The following NOM1 variants were observed in gnomAD, a reference collection of about 807,000 sequenced individuals.
NOM1 encodes nucleolar MIF4G domain-containing protein 1.
Under a neutral mutation model 73.3 loss-of-function variants are expected in NOM1, and 58 were observed. The observed-to-expected ratio is 0.79, with a 90% CI of 0.64 to 0.99. The LOEUF (loss-of-function observed/expected upper bound fraction) is 0.99. NOM1 is among the 50% of genes least tolerant of loss of function. NOM1 has a pLI of 0.00. For missense variants in NOM1, 1,226 were observed against 1,131.9 expected, an observed-to-expected ratio of 1.08 and a Z score of -1.19; for synonymous variants, 487 against 446.8, an observed-to-expected ratio of 1.09 and a Z score of -1.14.
chr7:156,957,714 G>A (rs1329867242), intron 3 of NOM1, among the ~76,000 whole-genome samples: 4 of 118,496 alleles, frequency 3.4e-5, no homozygotes, highest in African/African-American at 6.5e-5. Context: ...GGCGGAGCTT[G>A]CAGTGAGCCG....
chr7:156,964,788 C>T (rs1804954583), intron 7 of NOM1, among the ~76,000 whole-genome samples: 1 of 152,040 alleles, frequency 6.6e-6, no homozygotes, highest in African/African-American at 2.4e-5. Flanking sequence ...TTCCCTTTGC[C>T]TCTCTGTGGC....
chr7:156,950,122 C>G lies in NOM1; in HGVS notation c.385C>G (p.Arg129Gly), dbSNP rs1586561799. ...ASGHRQDTEE[R>G]ARPAPSRDPS... ...CGGTCACCGGCAGGACACGGAGGAG[C>G]GCGCCCGCCCAGCCCCTAGTCGGGA... Residue 129 changes from arginine (R) to glycine (G), a missense_variant, in exon 1 of 11, where the codon CGC becomes GGC. By Grantham distance (125) the Arg-to-Gly change is moderately radical (BLOSUM62 -2). Transcript: ENST00000275820. 2 of 1,556,442 alleles carry G rather than the reference C, an allele frequency of 1.3e-6. No homozygotes were observed. The highest frequency in any genetic ancestry group is 1.7e-6 in the Non-Finnish European group (2 of 1,153,908).
rs556125466 is a variant in NOM1 at position 156,950,026 on chromosome 7, C to T, written c.289C>T (p.Arg97Trp). Residue 97 changes from arginine to tryptophan, a missense_variant, in exon 1 of 11, where the codon CGG (arginine) becomes TGG (tryptophan). Physicochemically the swap from Arg to Trp is moderately radical, Grantham distance 101. Transcript: ENST00000275820. The part of the protein sequence containing the change: ...KEKRHLRKAR[R>W]LQRTAGPEQG... ...GAAGCGGCACCTGCGGAAAGCACGC[C>T]GGCTGCAGAGGACGGCGGGCCCCGA... 3.9e-6 allele frequency: 6 copies of T among 1,541,988 alleles called. No individual in the cohort carries two copies. The African/African-American group carries it at 8.2e-5, about 21-fold the overall frequency.
chr7:156,966,144 C>T lies in NOM1; in HGVS notation c.2034-126C>T. Reference sequence around the variant, plus strand: ...CCTAGCTGGTGTCTGCCGCTGCCTCCACCTCCTTTACGTGGCTCGCCTCTA... The same window carrying T: ...CCTAGCTGGTGTCTGCCGCTGCCTCTACCTCCTTTACGTGGCTCGCCTCTA... On this transcript the variant is annotated intron_variant, in intron 7 of 10. Coordinates refer to ENST00000275820, the MANE Select transcript of NOM1 (RefSeq NM_138400.2). 14 of 1,185,898 alleles carry T rather than the reference C, an allele frequency of 1.2e-5. 1 individual carries two copies. In the South Asian group the frequency reaches 1.9e-4, roughly 16 times the overall value. The allele number at this position is 1,185,898 out of a possible 1,614,324, so 73.5% of individuals were successfully genotyped here.
At position 156,963,965 on chromosome 7, in the gene NOM1, A is replaced by G. The variant is rs1330407661; in HGVS notation, c.1972A>G (p.Asn658Asp). ...GAGGATGAACACAGACATCCGGAGAAACATATTCTGCACAATAATGACAAG... is the reference window on the plus strand; with the variant it reads ...GAGGATGAACACAGACATCCGGAGAGACATATTCTGCACAATAATGACAAG... ...KQRMNTDIRRNIFCTIMTSED... is the reference protein window; with the variant it reads ...KQRMNTDIRRDIFCTIMTSED... The change falls in exon 7 of 11, where the codon AAC (asparagine) becomes GAC (aspartate). Residue 658 changes from asparagine to aspartate, a missense_variant. Physicochemically the swap from Asn to Asp is conservative, Grantham distance 23. Transcript: ENST00000275820. 1.9e-6 allele frequency: 3 copies of G among 1,614,018 alleles called. No homozygotes were observed. In the African/African-American group the frequency reaches 4.0e-5, roughly 22 times the overall value.
At chr7:156,954,651 C>T (rs1804678508) in intron 3 of NOM1, among the ~76,000 whole-genome samples, 2 of 151,348 alleles carry the variant, frequency 1.3e-5, no homozygotes, top group South Asian at 2.1e-4. Context: ...GAACTGCAGG[C>T]GCACACCACC....
rs1326851892 is a variant in NOM1, at chr7:156,966,390, AAGG to A, written c.2157_2159del (p.Arg720del). The A allele has an allele frequency of 2.7e-5, 43 of 1,614,042 alleles. No homozygotes were observed. The highest frequency in any genetic ancestry group is 3.6e-5 in the Non-Finnish European group (42 of 1,180,040). Reference sequence around the variant, plus strand: ...TGGCTAGCAAATTCTGTGAATATGAAAGGAGATTTCAGGTAGCTTAGTGCGGAG... The same window carrying A: ...TGGCTAGCAAATTCTGTGAATATGAAAGATTTCAGGTAGCTTAGTGCGGAG... On this transcript the variant is annotated inframe_deletion, in exon 8 of 11. Transcript: ENST00000275820.
At chr7:156,951,251 A>G (rs942885974) in intron 1 of NOM1, among the ~76,000 whole-genome samples, 2 of 152,184 alleles carry the variant, frequency 1.3e-5, no homozygotes, top group Admixed American at 1.3e-4. Flanking sequence ...TACAAAAAAC[A>G]GCCGGGCGTG....
At chr7:156,958,101 A>G (rs973099804) in intron 3 of NOM1, among the ~76,000 whole-genome samples, 2 of 152,208 alleles carry the variant, frequency 1.3e-5, no homozygotes, top group East Asian at 3.9e-4. Flanking sequence ...ATTTCTTTGC[A>G]GTCCAGCAAT....
At position 156,960,150 on chromosome 7, in the gene NOM1, C is replaced by T; in HGVS notation, c.1608C>T (p.Gly536=). The change falls in exon 4 of 11, where the codon GGC becomes GGT. Residue 536 remains glycine, a synonymous_variant. Coordinates refer to ENST00000275820, the MANE Select transcript of NOM1 (RefSeq NM_138400.2). ...TEAQTKASGA[G]SEFQDQTRIR... is the part of the protein sequence containing the mutation. Reference sequence around the variant, plus strand: ...CCCAGACCAAAGCCAGCGGGGCAGGCAGCGAGTTTCAGGACCAGACCAGGG... The same window carrying T: ...CCCAGACCAAAGCCAGCGGGGCAGGTAGCGAGTTTCAGGACCAGACCAGGG... 1.2e-6 allele frequency: 2 copies of T among 1,613,398 alleles called. No homozygotes were observed. The highest frequency in any genetic ancestry group is 8.5e-7 in the Non-Finnish European group (1 of 1,179,896).
In NOM1 at chr7:156,950,247, C is replaced by T; in HGVS notation, c.510C>T (p.Ala170=). 3 of 1,613,454 alleles carry T rather than the reference C, an allele frequency of 1.9e-6. No homozygotes were observed. The South Asian group carries it at 3.3e-5, about 18-fold the overall frequency. The part of the protein sequence containing the change: ...TRPSAAATAA[A]RKRALLAANE... ...CCTCCGCAGCCGCCACCGCCGCTGCCCGGAAACGGGCGCTTTTAGCGGCGA... is the reference window on the plus strand; with the variant it reads ...CCTCCGCAGCCGCCACCGCCGCTGCTCGGAAACGGGCGCTTTTAGCGGCGA... The change falls in exon 1 of 11, where the codon GCC becomes GCT. Residue 170 remains alanine, a synonymous_variant. Coordinates refer to ENST00000275820, the MANE Select transcript of NOM1 (RefSeq NM_138400.2).
chr7:156,972,675 T>A lies in NOM1; in HGVS notation c.*2972T>A, dbSNP rs1166123621. 1.3e-5 allele frequency: 2 copies of A among 151,966 alleles called. No individual in the cohort carries two copies. The highest frequency in any genetic ancestry group is 4.8e-5 in the African/African-American group (2 of 41,342). 9.4% of individuals were successfully genotyped at this position (151,966 alleles called of 1,614,324 possible). ...CAAAACCCCGTCTCTATGAAAAATA[T>A]AAAAATTAGCTGGGCATGGTGGCAG... On this transcript the variant is annotated 3_prime_UTR_variant, in exon 11 of 11. Transcript: ENST00000275820.
At chr7:156,959,707 T>A (rs1351534421) in intron 3 of NOM1, 144 bp from the exon 4 acceptor site, 1 of 747,186 alleles carries the variant, frequency 1.3e-6, no homozygotes, top group East Asian at 2.7e-5. Context: ...TCTGGCCGGC[T>A]GCTCTGGGTT....
Position 156,950,195 on chromosome 7 carries a change from C to G in NOM1, c.458C>G (p.Ala153Gly). 1 of 1,608,770 alleles carries G rather than the reference C, an allele frequency of 6.2e-7. No individual in the cohort carries two copies. The highest frequency in any genetic ancestry group is 8.5e-7 in the Non-Finnish European group (1 of 1,179,288). Residue 153 changes from alanine (A) to glycine (G), a missense_variant, in exon 1 of 11, where the codon GCC (alanine) becomes GGC (glycine). Coordinates refer to ENST00000275820, the MANE Select transcript of NOM1 (RefSeq NM_138400.2). ...KPRPSRVKAK[A>G]TAATAKTRPS... ...CGGCCGTCCCGGGTCAAGGCCAAGG[C>G]CACGGCCGCCACCGCAAAGACCAGA...
Position 156,950,005 on chromosome 7 carries a change from C to T in NOM1, c.268C>T (p.Arg90Trp). 6.5e-7 allele frequency: 1 copy of T among 1,540,816 alleles called. No homozygotes were observed. Among genetic ancestry groups the T allele is most frequent in the African/African-American group, 1.4e-5 (1 of 73,168 alleles). The change falls in exon 1 of 11, where the codon CGG becomes TGG. Residue 90 changes from arginine (R) to tryptophan (W), a missense_variant. Coordinates refer to ENST00000275820, the MANE Select transcript of NOM1 (RefSeq NM_138400.2). ...CCGTAAGGAACTGAGGAAGGAGAAG[C>T]GGCACCTGCGGAAAGCACGCCGGCT... ...KSRKELRKEK[R>W]HLRKARRLQR...
chr7:156,956,192 CAA>C (rs35181749), intron 3 of NOM1, among the ~76,000 whole-genome samples: 7 of 139,492 alleles, frequency 5.0e-5, no homozygotes, highest in Admixed American at 7.1e-5. Flanking sequence ...GACTCAGTCT[CAA>C]AAAAAAAAAA....
chr7:156,950,401 G>A lies in NOM1; in HGVS notation c.664G>A (p.Ala222Thr), dbSNP rs1342037591. 12 of 1,614,110 alleles carry A rather than the reference G, an allele frequency of 7.4e-6. No homozygotes were observed. Among genetic ancestry groups the A allele is most frequent in the African/African-American group, 1.3e-5 (1 of 74,954 alleles). ...CGACGGTCTTGACTATATTCTGGGA[G>A]CCCTGGAGTCTGGGAAAAATAGCGG... Reference protein sequence around the residue: ...ARDGLDYILGALESGKNSGLY... With the variant: ...ARDGLDYILGTLESGKNSGLY... Residue 222 changes from alanine (A) to threonine (T), a missense_variant, in exon 1 of 11, where the codon GCC becomes ACC. Ala to Thr is a moderately conservative substitution (Grantham distance 58). Coordinates refer to ENST00000275820, the MANE Select transcript of NOM1 (RefSeq NM_138400.2).
chr7:156,951,823 T>C (rs1293812574), intron 1 of NOM1, among the ~76,000 whole-genome samples: 3 of 151,976 alleles, frequency 2.0e-5, no homozygotes, highest in Admixed American at 1.3e-4. Flanking sequence ...TTCTCCTGCC[T>C]CATCTCCCAA....
At position 156,949,951 on chromosome 7, in the gene NOM1, G is replaced by A. The variant is rs939813194; in HGVS notation, c.214G>A (p.Val72Met). The A allele has an allele frequency of 1.3e-6, 2 of 1,541,628 alleles. No individual in the cohort carries two copies. The highest frequency in any genetic ancestry group is 1.4e-5 in the African/African-American group (1 of 73,134). ...GGGTTGCGAGGGGCGCGGCGCCCCG[G>A]TGAGCTTTCGCCCGGGAGGGAGAAA... The part of the protein sequence containing the change: ...PGGCEGRGAP[V>M]SFRPGGRKSR... The change falls in exon 1 of 11, where the codon GTG (valine) becomes ATG (methionine). Residue 72 changes from valine (V) to methionine (M), a missense_variant. Val to Met is a conservative substitution (Grantham distance 21, BLOSUM62 1). Transcript: ENST00000275820.
Sources: allele counts gnomAD v4.1 joint callset (sites outside exome capture counted in the v4.1 genomes callset), GRCh38; gene constraint gnomAD v4.1.1; transcripts MANE v1.5; gene names NCBI Gene and HGNC (gene_info 2026-07-23, HGNC 2026-07-21).